The following NWD2 variants were observed in gnomAD, a reference collection of about 807,000 sequenced individuals.
NWD2 encodes the protein NACHT and WD repeat domain containing 2.
In NWD2, 37 loss-of-function variants were observed where a neutral mutation model predicts 132.7. That is an observed-to-expected ratio of 0.28 (90% confidence interval 0.21 to 0.37). The LOEUF (loss-of-function observed/expected upper bound fraction) is 0.37, where lower values mean the gene tolerates loss of function less well. NWD2 is among the 10% of genes least tolerant of loss of function. NWD2 has a pLI of 1.00. For missense variants in NWD2, 1,592 were observed against 2,122.4 expected, an observed-to-expected ratio of 0.75 and a Z score of 4.91; for synonymous variants, 705 against 803.0, an observed-to-expected ratio of 0.88 and a Z score of 2.06.
intron 6 of NWD2, among the ~76,000 whole-genome samples, chr4:37,441,886 G>A (rs554855045): frequency 2.8e-4 from 42 of 152,240 alleles, no homozygotes; most frequent in Non-Finnish European, 5.6e-4. Flanking sequence ...CCATGAGCTC[G>A]TGATGGTAGG....
At chr4:37,349,748 G>A (rs1719723830) in intron 2 of NWD2, among the ~76,000 whole-genome samples, 1 of 152,180 alleles carries the variant, frequency 6.6e-6, no homozygotes, top group South Asian at 2.1e-4. Context: ...TTTTAGTCAT[G>A]AAGTCTTTGC....
At chr4:37,327,730 T>A (rs1262232745) in intron 2 of NWD2, among the ~76,000 whole-genome samples, 1 of 152,130 alleles carries the variant, frequency 6.6e-6, no homozygotes, top group Admixed American at 6.6e-5. Flanking sequence ...TCTTTTATAG[T>A]AGGTTAATTA....
intron 1 of NWD2, among the ~76,000 whole-genome samples, chr4:37,310,854 A>G (rs1718825780): frequency 1.5e-5 from 2 of 137,274 alleles, no homozygotes; most frequent in East Asian, 2.2e-4. Flanking sequence ...TCATTGTTCA[A>G]TTCCCACCTA....
intron 3 of NWD2, among the ~76,000 whole-genome samples, chr4:37,360,510 T>G (rs1374216046): frequency 2.6e-5 from 4 of 152,204 alleles, no homozygotes; most frequent in Non-Finnish European, 4.4e-5. Flanking sequence ...TGCTGACATT[T>G]ACTGACTAAA....
intron 4 of NWD2, among the ~76,000 whole-genome samples, chr4:37,433,554 C>T (rs1328620507): frequency 6.6e-6 from 1 of 152,114 alleles, no homozygotes; most frequent in African/African-American, 2.4e-5. Flanking sequence ...TTAACTTTCT[C>T]TCCGCTTTGG....
chr4:37,443,628 C>A lies in NWD2; in HGVS notation c.1640C>A (p.Pro547His). ...GTCCGGATAGTCCTTTCCACGCTGC[C>A]CAACAAACATGGGATCTTGCAGAAA... is the stretch of plus-strand genomic sequence containing the variant. ...RFVRIVLSTL[P>H]NKHGILQKLR... The change falls in exon 7 of 7, where the codon CCC becomes CAC. Residue 547 changes from proline to histidine, a missense_variant. By Grantham distance (77) the Pro-to-His change is moderately conservative (BLOSUM62 -2). This residue lies in a region of NWD2 where 1,071 missense variants were observed against 1,398.0 expected (regional missense o/e 0.77). Transcript: ENST00000309447. This position sits in a 1 kb window ranked among gnomAD's most constrained non-coding sequence, Gnocchi z 4.1. The A allele has an allele frequency of 6.4e-7, 1 of 1,551,896 alleles. No individual in the cohort carries two copies. The highest frequency in any genetic ancestry group is 8.7e-7 in the Non-Finnish European group (1 of 1,147,040).
At chr4:37,328,930 C>G (rs760348366) in intron 2 of NWD2, among the ~76,000 whole-genome samples, 9 of 152,012 alleles carry the variant, frequency 5.9e-5, no homozygotes, top group Non-Finnish European at 1.0e-4. Flanking sequence ...TCCATAAAAG[C>G]AGAGGCTTGT....
chr4:37,420,829 A>G (rs1711787793), intron 3 of NWD2, among the ~76,000 whole-genome samples: 1 of 152,156 alleles, frequency 6.6e-6, no homozygotes, highest in Non-Finnish European at 1.5e-5. Context: ...GACAGTCCTG[A>G]GCACACAGAA....
intron 3 of NWD2, among the ~76,000 whole-genome samples, chr4:37,386,150 A>C (rs1390061671): frequency 2.0e-5 from 3 of 152,036 alleles, no homozygotes; most frequent in East Asian, 3.9e-4. Context: ...CATCATACTG[A>C]GTTTTGTTAT....
At chr4:37,290,471 G>A (rs187899434) in intron 1 of NWD2, among the ~76,000 whole-genome samples, 2 of 152,280 alleles carry the variant, frequency 1.3e-5, no homozygotes, top group South Asian at 2.1e-4. Context: ...CAGAAGTGCA[G>A]AGTGTTATGG....
At chr4:37,278,805 G>T (rs1002354077) in intron 1 of NWD2, among the ~76,000 whole-genome samples, 52 of 152,064 alleles carry the variant, frequency 3.4e-4, no homozygotes, top group African/African-American at 1.1e-3. Context: ...CCCGATTTCT[G>T]ACTTTCCTAC....
intron 1 of NWD2, among the ~76,000 whole-genome samples, chr4:37,307,883 T>C (rs150157424): frequency 2.2e-4 from 33 of 152,308 alleles, no homozygotes; most frequent in African/African-American, 7.5e-4. Flanking sequence ...TCTTATGATC[T>C]AGTCTATTGT....
chr4:37,268,237 C>T (rs984119400), intron 1 of NWD2, among the ~76,000 whole-genome samples: 23 of 151,822 alleles, frequency 1.5e-4, no homozygotes, highest in African/African-American at 4.8e-4. Flanking sequence ...AAATGAAGCC[C>T]GTATTATCTT....
At chr4:37,338,488 G>A (rs937299984) in intron 2 of NWD2, among the ~76,000 whole-genome samples, 1 of 152,210 alleles carries the variant, frequency 6.6e-6, no homozygotes, top group Non-Finnish European at 1.5e-5. Context: ...GAAAACAACA[G>A]TTTGAACTCT....
intron 3 of NWD2, among the ~76,000 whole-genome samples, chr4:37,357,874 A>AT (rs1352859158): frequency 6.6e-6 from 1 of 152,088 alleles, no homozygotes; most frequent in Non-Finnish European, 1.5e-5. Flanking sequence ...TGAAGGGGAG[A>AT]TGGAAAGAGG....
At chr4:37,292,913 G>A (rs531158599) in intron 1 of NWD2, among the ~76,000 whole-genome samples, 4 of 152,270 alleles carry the variant, frequency 2.6e-5, no homozygotes, top group African/African-American at 7.2e-5. Context: ...CTTGCCCACC[G>A]CTCACCTCCT....
At position 37,334,804 on chromosome 4, in the gene NWD2, G is replaced by C. The variant is rs916210173; in HGVS notation, c.240+8780G>C. 3.9e-5 allele frequency among the ~76,000 whole-genome samples: 6 copies of C among 152,066 alleles called. No individual in the cohort carries two copies. The South Asian group carries it at 1.2e-3, about 31-fold the overall frequency. ...AGCCAACTTCATTAGTGGGCACCTG[G>C]TATTTACATTGGTCTTAGTCACAAA... On this transcript the variant is annotated intron_variant, in intron 2 of 6. Transcript: ENST00000309447.
intron 1 of NWD2, among the ~76,000 whole-genome samples, chr4:37,312,862 A>G (rs1249987614): frequency 6.0e-5 from 9 of 151,028 alleles, no homozygotes; most frequent in African/African-American, 1.2e-4. Flanking sequence ...TTTGTCAAAG[A>G]CCTTTTCTGC....
chr4:37,341,856 A>G (rs1719533505), intron 2 of NWD2, among the ~76,000 whole-genome samples: 1 of 152,190 alleles, frequency 6.6e-6, no homozygotes, highest in Admixed American at 6.5e-5. Context: ...AGCTATGGTA[A>G]TCAGATTTGC....
Sources: allele counts gnomAD v4.1 joint callset (sites outside exome capture counted in the v4.1 genomes callset), GRCh38; gene constraint gnomAD v4.1.1; regional missense constraint gnomAD v4.1.1; non-coding constraint Gnocchi (gnomAD v3.1); transcripts MANE v1.5; gene names NCBI Gene and HGNC (gene_info 2026-07-23, HGNC 2026-07-21).